STRADB: variants seen among roughly 807,000 people sequenced by gnomAD.
STRADB encodes the protein STE20-related kinase adapter protein beta.
Under a neutral mutation model 52.1 loss-of-function variants are expected in STRADB, and 34 were observed. That is an observed-to-expected ratio of 0.65 (90% confidence interval 0.50 to 0.87). The LOEUF is 0.87. Among genes scored for constraint, STRADB ranks in the 40% least tolerant of loss-of-function variants. The probability of loss-of-function intolerance (pLI) is 0.00; values close to 1 mark genes in which losing one functional copy is unlikely to be tolerated. For synonymous variants in STRADB, 133 were observed against 174.5 expected (o/e 0.76, Z 1.87); for missense variants, 340 against 483.9 (o/e 0.70, Z 2.79).
At chr2:201,456,089 T>C (rs1952122963) in intron 2 of STRADB, among the ~76,000 whole-genome samples, 2 of 152,248 alleles carry the variant, frequency 1.3e-5, no homozygotes, top group African/African-American at 4.8e-5. Flanking sequence ...AAAGGCCAGA[T>C]AGTATTTACA....
chr2:201,470,378 T>A (rs898800626), intron 4 of STRADB, among the ~76,000 whole-genome samples: 3 of 152,052 alleles, frequency 2.0e-5, no homozygotes, highest in Non-Finnish European at 2.9e-5. Context: ...TAAAATCAAG[T>A]CATCTAAATC....
chr2:201,455,630 A>C (rs772094250), intron 2 of STRADB, among the ~76,000 whole-genome samples: 13 of 152,052 alleles, frequency 8.5e-5, no homozygotes, highest in Non-Finnish European at 1.3e-4. Context: ...CCCTTGAACA[A>C]GGGATCAAGG....
At chr2:201,478,038 T>C in intron 8 of STRADB, 49 bp from the exon 9 acceptor site, 1 of 1,494,480 alleles carries the variant, frequency 6.7e-7, no homozygotes, top group Non-Finnish European at 9.1e-7. Flanking sequence ...GTATAACTTT[T>C]GGTTAACTTA....
At position 201,477,258 on chromosome 2, in the gene STRADB, G is replaced by T. The variant is rs1316978966; in HGVS notation, c.549-361G>T. On this transcript the variant is annotated intron_variant, in intron 7 of 11. Transcript: ENST00000194530. The stretch of plus-strand genomic sequence containing the variant: ...TTTTTATATTTTTAGTAGAGACGGG[G>T]TTTCACCATGTTATCCAGGATGGCC... Among the ~76,000 whole-genome samples, 3 of 151,642 alleles carry T rather than the reference G, an allele frequency of 2.0e-5. No individual in the cohort carries two copies. In the South Asian group the frequency reaches 6.3e-4, roughly 32 times the overall value.
intron 4 of STRADB, among the ~76,000 whole-genome samples, chr2:201,471,445 A>G (rs188922369): frequency 3.9e-5 from 6 of 152,348 alleles, no homozygotes; most frequent in African/African-American, 1.4e-4. Flanking sequence ...TCCTTCCGCT[A>G]GAGAGACATT....
chr2:201,479,996 A>G (rs781602068), intron 11 of STRADB, 36 bp from the exon 12 acceptor site: 3 of 1,607,950 alleles, frequency 1.9e-6, no homozygotes, highest in Non-Finnish European at 2.6e-6. Flanking sequence ...TATTGAAATG[A>G]TATATCAACA....
rs563524235 is a variant in STRADB at position 201,479,169 on chromosome 2, A to G, written c.1071-320A>G. Reference sequence around the variant, plus strand: ...ATAAAAATGAGAGTAAAAATCAGTTACTCTTTCTAGACATTAATTAGCACA... The same window carrying G: ...ATAAAAATGAGAGTAAAAATCAGTTGCTCTTTCTAGACATTAATTAGCACA... On this transcript the variant is annotated intron_variant, in intron 10 of 11. Coordinates refer to ENST00000194530, the MANE Select transcript of STRADB (RefSeq NM_018571.6). 8 of 211,586 alleles carry G rather than the reference A, an allele frequency of 3.8e-5. No individual in the cohort carries two copies. In the South Asian group the frequency reaches 8.6e-4, roughly 23 times the overall value. The allele number at this position is 211,586 out of a possible 1,614,324, so 13.1% of individuals were successfully genotyped here.
At chr2:201,453,519 G>A (rs1181614784) in intron 1 of STRADB, among the ~76,000 whole-genome samples, 1 of 152,148 alleles carries the variant, frequency 6.6e-6, no homozygotes, top group Non-Finnish European at 1.5e-5. Flanking sequence ...TGACTATGAT[G>A]TGTAGTTTCT....
intron 3 of STRADB, among the ~76,000 whole-genome samples, chr2:201,459,775 G>A (rs1017385922): frequency 2.6e-5 from 4 of 152,154 alleles, no homozygotes; most frequent in Non-Finnish European, 5.9e-5. Flanking sequence ...AAGCCTATGG[G>A]ATAAAGTCTA....
intron 1 of STRADB, among the ~76,000 whole-genome samples, chr2:201,454,401 C>T (rs974627124): frequency 1.4e-4 from 21 of 152,130 alleles, no homozygotes; most frequent in African/African-American, 5.1e-4. Context: ...TGGTTTTCTA[C>T]ATTGCTTTCA....
intron 3 of STRADB, among the ~76,000 whole-genome samples, chr2:201,465,917 C>A (rs536875151): frequency 1.3e-5 from 2 of 152,352 alleles, no homozygotes; most frequent in African/African-American, 4.8e-5. Context: ...GTCCCACAAT[C>A]ACTGCACTCT....
intron 4 of STRADB, among the ~76,000 whole-genome samples, chr2:201,471,716 C>T (rs753626829): frequency 3.3e-5 from 5 of 152,180 alleles, no homozygotes; most frequent in Admixed American, 6.5e-5. Flanking sequence ...CAATGCACAA[C>T]CAGAAGTGTC....
rs746755334 is a variant in STRADB at position 201,454,805 on chromosome 2, A to G, written c.-36A>G. On this transcript the variant is annotated 5_prime_UTR_variant, in exon 2 of 12. Coordinates refer to ENST00000194530, the MANE Select transcript of STRADB (RefSeq NM_018571.6). The stretch of plus-strand genomic sequence containing the variant: ...CAAAAGCCTTCTTTGGAATAGATGG[A>G]TTTTTGTCACTTTCTGTGTGAACTA... 3 of 1,597,058 alleles carry G rather than the reference A, an allele frequency of 1.9e-6. 1 individual carries two copies. The highest frequency in any genetic ancestry group is 2.6e-6 in the Non-Finnish European group (3 of 1,172,192).
intron 5 of STRADB, among the ~76,000 whole-genome samples, chr2:201,473,669 G>A (rs981133078): frequency 2.0e-4 from 30 of 152,128 alleles, no homozygotes; most frequent in African/African-American, 4.8e-5. Context: ...CTAGTCTGGA[G>A]TTTTACAATA....
chr2:201,452,187 G>A (rs1189595525), intron 1 of STRADB, among the ~76,000 whole-genome samples: 4 of 151,948 alleles, frequency 2.6e-5, no homozygotes, highest in Non-Finnish European at 4.4e-5. Flanking sequence ...CCGCCCAGTG[G>A]TGCCTGCCGG....
chr2:201,479,964 T>C (rs1158241003), intron 11 of STRADB, 68 bp from the exon 12 acceptor site: 1 of 1,571,480 alleles, frequency 6.4e-7, no homozygotes, highest in East Asian at 2.2e-5. Flanking sequence ...TTAAAAGTTA[T>C]TTATTGCTAA....
chr2:201,453,008 C>G (rs941751122), intron 1 of STRADB, among the ~76,000 whole-genome samples: 6 of 151,804 alleles, frequency 4.0e-5, no homozygotes, highest in Admixed American at 1.3e-4. Context: ...AAGAGCATGC[C>G]GGAGAAAATT....
At chr2:201,452,652 A>T (rs1204593453) in intron 1 of STRADB, among the ~76,000 whole-genome samples, 1 of 152,204 alleles carries the variant, frequency 6.6e-6, no homozygotes, top group Non-Finnish European at 1.5e-5. Flanking sequence ...GGTTCCCAAG[A>T]TCACTTTGAA....
Position 201,480,842 on chromosome 2 carries a change from A to G in STRADB, c.*667A>G. 2.0e-6 allele frequency: 2 copies of G among 985,528 alleles called. No homozygotes were observed. The highest frequency in any genetic ancestry group is 1.7e-5 in the African/African-American group (1 of 57,346). 61.0% of individuals were successfully genotyped at this position (985,528 alleles called of 1,614,324 possible). A position where few individuals can be genotyped will look rare whatever the true frequency, so the allele number is the denominator to read the frequency against. On this transcript the variant is annotated 3_prime_UTR_variant, in exon 12 of 12. Coordinates refer to ENST00000194530, the MANE Select transcript of STRADB (RefSeq NM_018571.6). ...TGGGAGCTCAATAAAGATTTACTGA[A>G]TTGAGTTTATGCTTTTATTTATTTT...
Sources: allele counts gnomAD v4.1 joint callset (sites outside exome capture counted in the v4.1 genomes callset), GRCh38; gene constraint gnomAD v4.1.1; transcripts MANE v1.5; gene names NCBI Gene and HGNC (gene_info 2026-07-23, HGNC 2026-07-21).